The following DYNC1H1 variants were observed in gnomAD, a reference collection of about 807,000 sequenced individuals.
DYNC1H1 encodes the protein cytoplasmic dynein 1 heavy chain 1.
Under a neutral mutation model 527.1 loss-of-function variants are expected in DYNC1H1, and 51 were observed. That is an observed-to-expected ratio of 0.10 (90% confidence interval 0.08 to 0.12). The LOEUF (loss-of-function observed/expected upper bound fraction) is 0.12, where lower values mean the gene tolerates loss of function less well. Ranked by LOEUF, DYNC1H1 falls within the 10% of genes least tolerant of loss-of-function variation. DYNC1H1 has a pLI of 1.00. For synonymous variants in DYNC1H1, 2,189 were observed against 2,278.8 expected, an observed-to-expected ratio of 0.96 and a Z score of 1.12; for missense variants, 2,771 against 5,971.8, an observed-to-expected ratio of 0.46 and a Z score of 17.66.
At chr14:102,019,801 A>T in intron 41 of DYNC1H1, 92 bp from the exon 42 acceptor site, 1 of 1,515,494 alleles carries the variant, frequency 6.6e-7, no homozygotes, top group Non-Finnish European at 9.1e-7. Context: ...AGGTTCTTTA[A>T]TGTAAACATG....
At chr14:101,988,395 G>A (rs554753499) in intron 9 of DYNC1H1, among the ~76,000 whole-genome samples, 11 of 152,204 alleles carry the variant, frequency 7.2e-5, no homozygotes, top group African/African-American at 1.2e-4. Context: ...ACCAATCCAC[G>A]CCTTTTCCCA....
Position 102,042,758 on chromosome 14 carries a change from T to G in DYNC1H1, c.12513+10T>G, listed in dbSNP as rs17512839. On this transcript the variant is annotated intron_variant, in intron 69 of 77. Coordinates refer to ENST00000360184, the MANE Select transcript of DYNC1H1 (RefSeq NM_001376.5). This position sits in a 1 kb window ranked among gnomAD's most constrained non-coding sequence, Gnocchi z 5.7. Reference sequence around the variant, plus strand: ...CTCACGGATATGCAAGGTAAGTACCTTGTCCTCCTGGTATGCTTTCCCCAT... The same window carrying G: ...CTCACGGATATGCAAGGTAAGTACCGTGTCCTCCTGGTATGCTTTCCCCAT... The G allele has an allele frequency of 3.1e-4, 502 of 1,613,842 alleles. 1 individual carries two copies. The African/African-American group carries it at 6.0e-3, about 19-fold the overall frequency.
chr14:102,011,988 C>T lies in DYNC1H1; in HGVS notation c.6732C>T (p.Leu2244=), dbSNP rs572885000. 1.5e-5 allele frequency: 24 copies of T among 1,614,032 alleles called. No homozygotes were observed. The highest frequency in any genetic ancestry group is 9.3e-5 in the African/African-American group (7 of 74,978). The change falls in exon 33 of 78, where the codon CTC becomes CTT. Residue 2244 remains leucine, a synonymous_variant. Coordinates refer to ENST00000360184, the MANE Select transcript of DYNC1H1 (RefSeq NM_001376.5). The surrounding 1 kb of genome is among the most constrained non-coding windows in gnomAD (Gnocchi z 5.3). ...WRVLLKALER[L]EGVEGVAHII... is the part of the protein sequence containing the mutation. ...TCCTGCTGAAGGCATTGGAGAGACT[C>T]GAGGGTGTGGAAGGTGTGGCCCATA...
intron 41 of DYNC1H1, among the ~76,000 whole-genome samples, chr14:102,019,445 T>G (rs1030163147): frequency 3.9e-5 from 6 of 152,220 alleles, no homozygotes; most frequent in Admixed American, 2.6e-4. Context: ...GGCAGATGCT[T>G]TTTCCCAGTA....
At chr14:101,980,662 T>A in intron 5 of DYNC1H1, 112 bp downstream of exon 5, 2 of 1,285,970 alleles carry the variant, frequency 1.6e-6, no homozygotes, top group Non-Finnish European at 2.2e-6. Flanking sequence ...CTGTCGTTTT[T>A]AACCATTTCC....
chr14:102,026,743 C>T, intron 44 of DYNC1H1, 36 bp downstream of exon 44: 4 of 1,606,980 alleles, frequency 2.5e-6, no homozygotes, highest in Non-Finnish European at 3.4e-6. Flanking sequence ...CACCTCTCGC[C>T]TAAGCTGCTC....
At position 101,991,643 on chromosome 14, in the gene DYNC1H1, T is replaced by C; in HGVS notation, c.2985T>C (p.Ser995=). The change falls in exon 11 of 78, where the codon TCT becomes TCC. Residue 995 remains serine, a synonymous_variant. Coordinates refer to ENST00000360184, the MANE Select transcript of DYNC1H1 (RefSeq NM_001376.5). ...TTGCCTGGAAGATGGTTGTACTGTC[T>C]CTCCCCAGGATCCAGAGTCAGAGGT... ...EMFAWKMVVL[S]LPRIQSQRYQ... is the part of the protein sequence containing the mutation. 1 of 1,614,142 alleles carries C rather than the reference T, an allele frequency of 6.2e-7. No homozygotes were observed. Among genetic ancestry groups the C allele is most frequent in the Non-Finnish European group, 8.5e-7 (1 of 1,180,026 alleles).
rs2048249109 is a variant in DYNC1H1, at chr14:102,010,695, C to T, written c.6406-45C>T. On this transcript the variant is annotated intron_variant, in intron 31 of 77. Transcript: ENST00000360184. This position sits in a 1 kb window ranked among gnomAD's most constrained non-coding sequence, Gnocchi z 6.0. ...CCTCCTGGGGATGCAGCGGGCAGTA[C>T]TTGAGCCATGCTGCGCTGCTCACAG... is the stretch of plus-strand genomic sequence containing the variant. The T allele has an allele frequency of 6.2e-7, 1 of 1,609,002 alleles. No individual in the cohort carries two copies. Among genetic ancestry groups the T allele is most frequent in the African/African-American group, 1.3e-5 (1 of 74,912 alleles).
intron 34 of DYNC1H1, 130 bp from the exon 35 acceptor site, chr14:102,014,975 C>T (rs1180727679): frequency 3.8e-6 from 4 of 1,053,380 alleles, no homozygotes; most frequent in Non-Finnish European, 5.7e-6. Context: ...GCCACCATGC[C>T]TGGCTACTTT....
At position 102,044,864 on chromosome 14, in the gene DYNC1H1, C is replaced by A. The variant is rs2048697077; in HGVS notation, c.13006+166C>A. The A allele has an allele frequency of 2.7e-6, 2 of 737,406 alleles. No individual in the cohort carries two copies. The highest frequency in any genetic ancestry group is 4.5e-5 in the Admixed American group (2 of 44,124). The allele number at this position is 737,406 out of a possible 1,614,324, so 45.7% of individuals were successfully genotyped here. Reference sequence around the variant, plus strand: ...TGTCAGCCTCGGCCTTCCTGCCAGTCTCCAGCTGCTCCTAGCTCCACTCCG... The same window carrying A: ...TGTCAGCCTCGGCCTTCCTGCCAGTATCCAGCTGCTCCTAGCTCCACTCCG... On this transcript the variant is annotated intron_variant, in intron 72 of 77. Coordinates refer to ENST00000360184, the MANE Select transcript of DYNC1H1 (RefSeq NM_001376.5). The surrounding 1 kb of genome is among the most constrained non-coding windows in gnomAD (Gnocchi z 7.1).
intron 42 of DYNC1H1, among the ~76,000 whole-genome samples, chr14:102,021,613 C>CT (rs1229552117): frequency 6.6e-6 from 1 of 151,116 alleles, no homozygotes; most frequent in Non-Finnish European, 1.5e-5. Context: ...TCTTACACCT[C>CT]TAAAACTACA....
intron 1 of DYNC1H1, among the ~76,000 whole-genome samples, chr14:101,971,088 T>A (rs1229938291): frequency 2.5e-5 from 2 of 80,352 alleles, no homozygotes; most frequent in East Asian, 3.9e-4. Context: ...TATCATTCTT[T>A]TTTTTTTTTT....
intron 50 of DYNC1H1, 96 bp from the exon 51 acceptor site, chr14:102,030,066 G>C: frequency 6.2e-7 from 1 of 1,610,382 alleles, no homozygotes; most frequent in Non-Finnish European, 8.5e-7. Flanking sequence ...GAGTGTGTGT[G>C]TGTGTGTGTG....
rs2048666171 is a variant in DYNC1H1 at position 102,042,621 on chromosome 14, G to A, written c.12400-14G>A. On this transcript the variant is annotated splice_polypyrimidine_tract_variant and intron_variant, in intron 68 of 77. Coordinates refer to ENST00000360184, the MANE Select transcript of DYNC1H1 (RefSeq NM_001376.5). The surrounding 1 kb of genome is among the most constrained non-coding windows in gnomAD (Gnocchi z 5.7). ...TCCACACCCGAGCATAACTGGAACG[G>A]CGCTCTCCCTTAGGTGCCTGTGAAT... 2 of 1,613,994 alleles carry A rather than the reference G, an allele frequency of 1.2e-6. No individual in the cohort carries two copies. Among genetic ancestry groups the A allele is most frequent in the African/African-American group, 2.7e-5 (2 of 74,934 alleles).
chr14:102,003,677 C>T (rs1026950943), intron 23 of DYNC1H1, among the ~76,000 whole-genome samples: 1 of 152,126 alleles, frequency 6.6e-6, no homozygotes, highest in Non-Finnish European at 1.5e-5. Flanking sequence ...CGCCTGTAAT[C>T]CCAGCACTTT....
At position 102,019,981 on chromosome 14, in the gene DYNC1H1, G is replaced by T. The variant is rs774929269; in HGVS notation, c.8432G>T (p.Arg2811Ile). The T allele has an allele frequency of 3.1e-6, 5 of 1,614,216 alleles. No individual in the cohort carries two copies. Among genetic ancestry groups the T allele is most frequent in the Non-Finnish European group, 4.2e-6 (5 of 1,180,042 alleles). Reference sequence around the variant, plus strand: ...GTGAGAGGCATCTTTGAAGCGCTGAGACCTCTGGAGACCCTGCCTGTTGAA... The same window carrying T: ...GTGAGAGGCATCTTTGAAGCGCTGATACCTCTGGAGACCCTGCCTGTTGAA... The part of the protein sequence containing the change: ...RWVRGIFEAL[R>I]PLETLPVEGL... Residue 2811 changes from arginine to isoleucine, a missense_variant, in exon 42 of 78, where the codon AGA becomes ATA. Transcript: ENST00000360184.
At chr14:102,047,673 G>A (rs981767604) in intron 72 of DYNC1H1, 144 bp from the exon 73 acceptor site, 36 of 584,210 alleles carry the variant, frequency 6.2e-5, no homozygotes, top group Admixed American at 5.3e-4. Context: ...ATGTACACAC[G>A]GCTGAGCACC....
At chr14:101,981,943 T>C (rs1341384981) in intron 5 of DYNC1H1, among the ~76,000 whole-genome samples, 1 of 152,224 alleles carries the variant, frequency 6.6e-6, no homozygotes, top group African/African-American at 2.4e-5. Context: ...ACTTAATTGT[T>C]ACTAATAAAC....
Position 102,051,089 on chromosome 14 carries a change from C to A in DYNC1H1, c.*526C>A, listed in dbSNP as rs374597971. ...GACCAGCCTCGGCAACATAGTGAGA[C>A]CCCGTCTCTACAGGAAATTAAATCA... On this transcript the variant is annotated 3_prime_UTR_variant, in exon 78 of 78. Transcript: ENST00000360184. The A allele has an allele frequency of 1.1e-3, 240 of 215,068 alleles. No individual in the cohort carries two copies. The highest frequency in any genetic ancestry group is 1.6e-3 in the Admixed American group (31 of 19,008). The allele number at this position is 215,068 out of a possible 1,614,324, so 13.3% of individuals were successfully genotyped here.
Sources: gnomAD v4.1 joint callset for allele counts (sites outside exome capture counted in the v4.1 genomes callset) on GRCh38, gnomAD v4.1.1 for gene constraint, Gnocchi (gnomAD v3.1) non-coding constraint, MANE v1.5 for transcripts, NCBI Gene and HGNC (gene_info 2026-07-23, HGNC 2026-07-21) for gene names.